Variants in ITGA1 observed in about 807,000 individuals in gnomAD.
ITGA1 encodes the protein integrin subunit alpha 1.
In ITGA1, 85 loss-of-function variants were observed where a neutral mutation model predicts 145.9. The observed-to-expected ratio is 0.58, with a 90% confidence interval of 0.49 to 0.70. The LOEUF (loss-of-function observed/expected upper bound fraction) is 0.70. Among genes scored for constraint, ITGA1 ranks in the 30% least tolerant of loss-of-function variants. The probability of loss-of-function intolerance (pLI) is 0.00; values close to 1 mark genes in which losing one functional copy is unlikely to be tolerated. For synonymous variants in ITGA1, 520 were observed against 495.3 expected (o/e 1.05, Z -0.66); for missense variants, 1,351 against 1,418.7 (o/e 0.95, Z 0.77).
At chr5:52,817,318 G>C (rs1043029506) in intron 1 of ITGA1, among the ~76,000 whole-genome samples, 1 of 152,112 alleles carries the variant, frequency 6.6e-6, no homozygotes, top group East Asian at 1.9e-4. Flanking sequence ...TTGTGACCTT[G>C]AGCATTACTA....
intron 26 of ITGA1, among the ~76,000 whole-genome samples, chr5:52,941,870 G>T (rs761032636): frequency 6.6e-6 from 1 of 152,130 alleles, no homozygotes; most frequent in African/African-American, 2.4e-5. Flanking sequence ...GTCAGAGAGG[G>T]TATTTCCTAG....
At chr5:52,905,955 C>T in intron 12 of ITGA1, 47 bp downstream of exon 12, 10 of 1,505,250 alleles carry the variant, frequency 6.6e-6, no homozygotes, top group Non-Finnish European at 7.3e-6. Flanking sequence ...TATTCATACT[C>T]TATGTATATT....
At chr5:52,939,974 T>C (rs768309191) in intron 26 of ITGA1, 30 bp downstream of exon 26, 3 of 1,087,848 alleles carry the variant, frequency 2.8e-6, no homozygotes, top group South Asian at 2.5e-5. Flanking sequence ...TATGCACTTA[T>C]TGAATAATAT....
Position 52,865,688 on chromosome 5 carries a change from AG to A in ITGA1, c.497-1del. 1.3e-6 allele frequency: 2 copies of A among 1,526,806 alleles called. No individual in the cohort carries two copies. Among genetic ancestry groups the A allele is most frequent in the Non-Finnish European group, 1.7e-6 (2 of 1,144,668 alleles). The allele number at this position is 1,526,806 out of a possible 1,614,324, so 94.6% of individuals were successfully genotyped here. A position where few individuals can be genotyped will look rare whatever the true frequency, so the allele number is the denominator to read the frequency against. ...TTTGACAATTGACTCCTTTTATTGC[AG>A]AATGCAGCACTCAACTGGACATAGT... On this transcript the variant is annotated splice_acceptor_variant, in intron 5 of 28. Transcript: ENST00000282588. LOFTEE classifies it high-confidence loss of function.
chr5:52,847,092 T>C (rs1057505942), intron 1 of ITGA1, among the ~76,000 whole-genome samples: 1 of 152,108 alleles, frequency 6.6e-6, no homozygotes, highest in Non-Finnish European at 1.5e-5. Context: ...GGGGGAAAAA[T>C]CTGACACAGA....
chr5:52,856,496 C>T (rs543350839), intron 2 of ITGA1, among the ~76,000 whole-genome samples: 3 of 152,144 alleles, frequency 2.0e-5, no homozygotes, highest in African/African-American at 7.2e-5. Context: ...ATAAAAACAC[C>T]TTCCGAAACA....
At chr5:52,934,780 C>A (rs1750941245) in intron 23 of ITGA1, among the ~76,000 whole-genome samples, 1 of 151,872 alleles carries the variant, frequency 6.6e-6, no homozygotes, top group Admixed American at 6.6e-5. Flanking sequence ...AGCCTCAATC[C>A]TTTTGGGAAT....
intron 9 of ITGA1, among the ~76,000 whole-genome samples, chr5:52,894,949 T>C (rs1451501686): frequency 6.6e-6 from 1 of 152,130 alleles, no homozygotes; most frequent in Non-Finnish European, 1.5e-5. Context: ...TTTTTTTGAG[T>C]GTGACTCACG....
intron 26 of ITGA1, among the ~76,000 whole-genome samples, chr5:52,941,523 G>T (rs1048244028): frequency 2.6e-5 from 4 of 152,134 alleles, no homozygotes; most frequent in Admixed American, 1.3e-4. Context: ...TTTCTGTAAT[G>T]ATTAGTGATA....
Position 52,958,186 on chromosome 5 carries a change from T to A in ITGA1, c.*5735T>A, listed in dbSNP as rs1751330769. 6.6e-6 allele frequency: 1 copy of A among 152,152 alleles called. No individual in the cohort carries two copies. Among genetic ancestry groups the A allele is most frequent in the Non-Finnish European group, 1.5e-5 (1 of 68,032 alleles). 9.4% of individuals were successfully genotyped at this position (152,152 alleles called of 1,614,324 possible). ...ACTTAGGACCAGTGCCAGGTGACAA[T>A]CTTTCCGTCATGCTGCTGCAGCATT... On this transcript the variant is annotated 3_prime_UTR_variant, in exon 29 of 29. Coordinates refer to ENST00000282588, the MANE Select transcript of ITGA1 (RefSeq NM_181501.2).
At chr5:52,873,931 G>A (rs1749825059) in intron 6 of ITGA1, among the ~76,000 whole-genome samples, 1 of 151,974 alleles carries the variant, frequency 6.6e-6, no homozygotes, top group Non-Finnish European at 1.5e-5. Context: ...GACTTAACAA[G>A]ATAGATATAG....
At chr5:52,897,692 C>T (rs1750247919) in intron 10 of ITGA1, among the ~76,000 whole-genome samples, 164 bp downstream of exon 10, 1 of 152,140 alleles carries the variant, frequency 6.6e-6, no homozygotes, top group East Asian at 1.9e-4. Context: ...AATATCATTT[C>T]ACAAGCTTCT....
intron 1 of ITGA1, among the ~76,000 whole-genome samples, chr5:52,847,988 C>A (rs74918628): frequency 6.6e-6 from 1 of 152,224 alleles, no homozygotes; most frequent in Non-Finnish European, 1.5e-5. Context: ...GACAGTCTTA[C>A]TTACTAAGAG....
intron 1 of ITGA1, among the ~76,000 whole-genome samples, chr5:52,810,434 G>A (rs191229272): frequency 2.6e-4 from 39 of 152,328 alleles, no homozygotes; most frequent in Admixed American, 1.1e-3. Context: ...TCTCTCTTAA[G>A]TTGTTCATTT....
rs766484362 is a variant in ITGA1 at position 52,915,520 on chromosome 5, C to T, written c.1914C>T (p.His638=). The change falls in exon 15 of 29, where the codon CAC becomes CAT. Residue 638 remains histidine (H), a synonymous_variant. Coordinates refer to ENST00000282588, the MANE Select transcript of ITGA1 (RefSeq NM_181501.2). ...TGAAATTTTTTGGCCAGTCTATCCA[C>T]GGAGAAATGGATTTAAATGGTGACG... The part of the protein sequence containing the change: ...KTLKFFGQSI[H]GEMDLNGDGL... 29 of 1,613,854 alleles carry T rather than the reference C, an allele frequency of 1.8e-5. No individual in the cohort carries two copies. The highest frequency in any genetic ancestry group is 1.2e-4 in the Admixed American group (7 of 59,984).
At position 52,860,992 on chromosome 5, in the gene ITGA1, A is replaced by T. The variant is rs1409879696; in HGVS notation, c.183-455A>T. The stretch of plus-strand genomic sequence containing the variant: ...GACTTCTCTATAAAATTAGCAGTTC[A>T]TCATAGGAAAAAGTCACTTATACTT... On this transcript the variant is annotated intron_variant, in intron 2 of 28. Transcript: ENST00000282588. Among the ~76,000 whole-genome samples the T allele has an allele frequency of 2.6e-5, 4 of 152,232 alleles. No homozygotes were observed. The East Asian group carries it at 7.7e-4, about 29-fold the overall frequency.
intron 1 of ITGA1, among the ~76,000 whole-genome samples, chr5:52,840,151 C>G (rs1299103001): frequency 6.6e-6 from 1 of 152,160 alleles, no homozygotes; most frequent in Non-Finnish European, 1.5e-5. Flanking sequence ...CAATATCTTA[C>G]TGAGAAAAAG....
chr5:52,826,202 A>G (rs1304536376), intron 1 of ITGA1, among the ~76,000 whole-genome samples: 4 of 152,196 alleles, frequency 2.6e-5, no homozygotes, highest in African/African-American at 9.6e-5. Flanking sequence ...TTGCTGATAT[A>G]TAGAAAGTTG....
rs191869898 is a variant in ITGA1 at position 52,884,255 on chromosome 5, C to G, written c.773+2234C>G. On this transcript the variant is annotated intron_variant, in intron 7 of 28. Transcript: ENST00000282588. ...GGTCAGGAGTTCGAGAGCAGCCTGGCCAACATGGTGAAACCCCATCTCTAC... is the reference window on the plus strand; with the variant it reads ...GGTCAGGAGTTCGAGAGCAGCCTGGGCAACATGGTGAAACCCCATCTCTAC... Among the ~76,000 whole-genome samples the G allele has an allele frequency of 1.5e-3, 235 of 151,934 alleles. 9 individuals carry two copies. In the East Asian group the frequency reaches 0.042, roughly 27 times the overall value.
Sources: allele counts gnomAD v4.1 joint callset (sites outside exome capture counted in the v4.1 genomes callset), GRCh38; gene constraint gnomAD v4.1.1; transcripts MANE v1.5; gene names NCBI Gene and HGNC (gene_info 2026-07-23, HGNC 2026-07-21).